The following TPPP variants were observed in gnomAD, a reference collection of about 807,000 sequenced individuals.
TPPP encodes tubulin polymerization-promoting protein.
Under a neutral mutation model 15.5 loss-of-function variants are expected in TPPP, and 6 were observed. The observed-to-expected ratio is 0.39, with a 90% CI of 0.21 to 0.77. TPPP has a LOEUF of 0.77. TPPP is among the 30% of genes least tolerant of loss of function. The pLI, the probability that TPPP is intolerant of heterozygous loss-of-function variation, is 0.42. For missense variants in TPPP, 269 were observed against 307.2 expected (o/e 0.88, Z 0.93); for synonymous variants, 146 against 133.9 (o/e 1.09, Z -0.63).
At chr5:679,375 C>G (rs1450681049) in intron 1 of TPPP, among the ~76,000 whole-genome samples, 1 of 140,714 alleles carries the variant, frequency 7.1e-6, no homozygotes, top group African/African-American at 3.2e-5. Context: ...GGGGCAGGAT[C>G]CTGGTGGGGG....
At position 674,382 on chromosome 5, in the gene TPPP, G is replaced by A. The variant is rs980922402; in HGVS notation, c.311+3368C>T. On this transcript the variant is annotated intron_variant, in intron 2 of 3. Coordinates refer to ENST00000360578, the MANE Select transcript of TPPP (RefSeq NM_007030.3). ...CAGGGGCCCTGGCAGCCAAGGGGAG[G>A]AGCTGCCCTGCCCTTGCCCACGCAG... 5.9e-5 allele frequency among the ~76,000 whole-genome samples: 9 copies of A among 152,292 alleles called. No homozygotes were observed. The South Asian group carries it at 1.7e-3, about 28-fold the overall frequency.
At chr5:671,589 A>G (rs1253060422) in intron 2 of TPPP, among the ~76,000 whole-genome samples, 1 of 152,220 alleles carries the variant, frequency 6.6e-6, no homozygotes, top group Non-Finnish European at 1.5e-5. Context: ...GTCGCCGCAC[A>G]GTGCTCTGGG....
intron 1 of TPPP, among the ~76,000 whole-genome samples, chr5:681,619 G>A (rs1740625297): frequency 6.6e-6 from 1 of 152,162 alleles, no homozygotes; most frequent in African/African-American, 2.4e-5. Context: ...AGACCCTATG[G>A]GACCACAAGT....
chr5:697,520 G>A (rs1741036206), upstream of TPPP, among the ~76,000 whole-genome samples: 1 of 152,060 alleles, frequency 6.6e-6, no homozygotes, highest in African/African-American at 2.4e-5. Context: ...GGAGGAACTT[G>A]TGTCTGCAGT....
upstream of TPPP, among the ~76,000 whole-genome samples, chr5:698,032 C>T (rs560039872): frequency 9.6e-5 from 14 of 145,558 alleles, no homozygotes; most frequent in South Asian, 1.4e-3. Flanking sequence ...ATAAATGTGA[C>T]GTATCACATG....
intron 2 of TPPP, 32 bp from the exon 3 acceptor site, chr5:666,155 G>A (rs11750269): frequency 0.18 from 275,751 of 1,564,432 alleles, 26,261 homozygotes; most frequent in Non-Finnish European, 0.19. Flanking sequence ...AGGGCTGGGC[G>A]CGGGCCGGCC....
At chr5:678,514 C>G (rs1484454357) in intron 1 of TPPP, among the ~76,000 whole-genome samples, 1 of 143,874 alleles carries the variant, frequency 7.0e-6, no homozygotes, top group Non-Finnish European at 1.5e-5. Context: ...GGATCACGCA[C>G]TCCCCAGGGT....
intron 1 of TPPP, among the ~76,000 whole-genome samples, chr5:684,383 C>T (rs370644019): frequency 6.6e-6 from 1 of 152,288 alleles, no homozygotes; most frequent in East Asian, 1.9e-4. Flanking sequence ...CCTGGGCCCA[C>T]GCCGTGTGGT....
chr5:692,449 C>A (rs894496666), intron 1 of TPPP: 1 of 867,578 alleles, frequency 1.2e-6, no homozygotes, highest in Non-Finnish European at 1.4e-6. Context: ...TAGCAGCCTC[C>A]CAACCCCTAT....
In TPPP at chr5:660,648, C is replaced by G. The variant is rs1469017888; in HGVS notation, c.*4454G>C. 1 of 152,352 alleles carries G rather than the reference C, an allele frequency of 6.6e-6. No individual in the cohort carries two copies. Among genetic ancestry groups the G allele is most frequent in the African/African-American group, 2.4e-5 (1 of 41,456 alleles). 9.4% of individuals were successfully genotyped at this position (152,352 alleles called of 1,614,324 possible). A position where few individuals can be genotyped will look rare whatever the true frequency, so the allele number is the denominator to read the frequency against. The stretch of plus-strand genomic sequence containing the variant: ...GGCCAGTAGAGGGACAGGTAAGTGT[C>G]CAGGGCCAAGGCATCTCCATCTCAA... On this transcript the variant is annotated 3_prime_UTR_variant, in exon 4 of 4. Transcript: ENST00000360578.
chr5:676,989 AACGCGCAC>A (rs1184943528), intron 2 of TPPP, among the ~76,000 whole-genome samples: 33 of 113,854 alleles, frequency 2.9e-4, no homozygotes, highest in African/African-American at 8.4e-4. Flanking sequence ...ACGACGCAGA[AACGCGCAC>A]ACGTGCACAC....
intron 2 of TPPP, chr5:666,795 G>C (rs999506102): frequency 6.6e-6 from 1 of 152,250 alleles, no homozygotes; most frequent in Non-Finnish European, 1.5e-5. Flanking sequence ...CAATTTTAGA[G>C]GGTTCTAAAC....
the TPPP span, among the ~76,000 whole-genome samples, chr5:698,728 C>T: frequency 1.3e-5 from 2 of 152,022 alleles, no homozygotes; most frequent in Middle Eastern, 3.4e-3. Context: ...ATTATGGGAG[C>T]TACAATTCAA....
intron 1 of TPPP, among the ~76,000 whole-genome samples, chr5:684,581 G>C (rs927839983): frequency 1.1e-5 from 1 of 87,710 alleles, no homozygotes; most frequent in African/African-American, 8.3e-5. Context: ...TCCCACCAAG[G>C]GGCCTTCTAG....
At chr5:680,352 A>T (rs77645933) in intron 1 of TPPP, among the ~76,000 whole-genome samples, 10 of 81,676 alleles carry the variant, frequency 1.2e-4, no homozygotes, top group Non-Finnish European at 1.5e-4. Flanking sequence ...TCAGGCTGGG[A>T]CTTGGATACC....
At chr5:692,461 A>C in intron 1 of TPPP, 3 of 796,754 alleles carry the variant, frequency 3.8e-6, no homozygotes, top group Non-Finnish European at 4.4e-6. Context: ...AACCCCTATC[A>C]AAACAGCAGC....
intron 2 of TPPP, chr5:676,100 G>A (rs1242099117): frequency 6.6e-6 from 1 of 152,210 alleles, no homozygotes; most frequent in East Asian, 1.9e-4. Context: ...AGAGCTGGGG[G>A]AGCCTGCAAG....
chr5:678,693 G>A (rs112671796), intron 1 of TPPP, among the ~76,000 whole-genome samples: 31,251 of 147,584 alleles, frequency 0.21, 7,584 homozygotes, highest in African/African-American at 0.61. Flanking sequence ...GCCTGGCCCC[G>A]GCCAGGGGAG....
Position 660,189 on chromosome 5 carries a change from T to C in TPPP, c.*4913A>G, listed in dbSNP as rs1739525117. The C allele has an allele frequency of 6.9e-6, 1 of 145,266 alleles. No homozygotes were observed. The highest frequency in any genetic ancestry group is 7.1e-5 in the Admixed American group (1 of 14,126). 9.0% of individuals were successfully genotyped at this position (145,266 alleles called of 1,614,324 possible). On this transcript the variant is annotated 3_prime_UTR_variant, in exon 4 of 4. Coordinates refer to ENST00000360578, the MANE Select transcript of TPPP (RefSeq NM_007030.3). ...ACTCCCTAATGTTAATCACACAGTG[T>C]AAAAATATATTGCACATATATATAT...
Sources: allele counts gnomAD v4.1 joint callset (sites outside exome capture counted in the v4.1 genomes callset), GRCh38; gene constraint gnomAD v4.1.1; transcripts MANE v1.5; gene names NCBI Gene and HGNC (gene_info 2026-07-23, HGNC 2026-07-21).